The following CCDC88A variants were observed in gnomAD, a reference collection of about 807,000 sequenced individuals.
CCDC88A encodes the protein girdin.
CCDC88A carries 54 observed loss-of-function variants against 234.3 expected under a neutral mutation model. The ratio of observed to expected loss-of-function variants is 0.23; its 90% CI spans 0.19 to 0.29. CCDC88A has a LOEUF of 0.29. Among genes scored for constraint, CCDC88A ranks in the 10% least tolerant of loss-of-function variants. The pLI is 1.00. For synonymous variants in CCDC88A, 753 were observed against 737.8 expected, an observed-to-expected ratio of 1.02 and a Z score of -0.33; for missense variants, 1,832 against 2,123.4, an observed-to-expected ratio of 0.86 and a Z score of 2.70.
chr2:55,289,926 T>G lies in CCDC88A; in HGVS notation c.*1274A>C, dbSNP rs987132557. The G allele has an allele frequency of 1.3e-5, 2 of 152,526 alleles. No individual in the cohort carries two copies. The highest frequency in any genetic ancestry group is 2.4e-5 in the African/African-American group (1 of 41,436). 9.4% of individuals were successfully genotyped at this position (152,526 alleles called of 1,614,324 possible). A position where few individuals can be genotyped will look rare whatever the true frequency, so the allele number is the denominator to read the frequency against. ...TAATGAAAGCCTAAGAAGTACACTG[T>G]TAAAATTTTAAAAAGTCAGTATGTT... On this transcript the variant is annotated 3_prime_UTR_variant, in exon 33 of 33. Coordinates refer to ENST00000436346, the MANE Select transcript of CCDC88A (RefSeq NM_001365480.1).
intron 25 of CCDC88A, among the ~76,000 whole-genome samples, chr2:55,303,786 G>A (rs963414946): frequency 4.6e-5 from 7 of 152,096 alleles, no homozygotes; most frequent in Admixed American, 3.9e-4. Flanking sequence ...AAGTCGTAAA[G>A]GTAAACCTTT....
chr2:55,362,946 T>C (rs990135512), intron 6 of CCDC88A, among the ~76,000 whole-genome samples: 1 of 151,984 alleles, frequency 6.6e-6, no homozygotes, highest in African/African-American at 2.4e-5. Context: ...TTGAAAAGAA[T>C]GGAAAAGTTA....
At chr2:55,410,987 G>C (rs763177348) in intron 2 of CCDC88A, among the ~76,000 whole-genome samples, 1 of 151,940 alleles carries the variant, frequency 6.6e-6, no homozygotes, top group Admixed American at 6.6e-5. Flanking sequence ...TAATTTTCCA[G>C]TTTCAATAAC....
chr2:55,321,278 C>A (rs965723550), intron 18 of CCDC88A: 1 of 152,078 alleles, frequency 6.6e-6, no homozygotes, highest in Non-Finnish European at 1.5e-5. Context: ...ATGGGTGGGG[C>A]GCGGTGGCTC....
At chr2:55,402,585 G>A (rs555321265) in intron 2 of CCDC88A, among the ~76,000 whole-genome samples, 1 of 152,080 alleles carries the variant, frequency 6.6e-6, no homozygotes, top group African/African-American at 2.4e-5. Context: ...GGTCTATCTG[G>A]CACGTTCAAT....
intron 2 of CCDC88A, among the ~76,000 whole-genome samples, chr2:55,398,081 A>T (rs910760280): frequency 6.6e-6 from 1 of 152,236 alleles, no homozygotes; most frequent in African/African-American, 2.4e-5. Flanking sequence ...CTCACAATCA[A>T]AAGGGATCTT....
intron 2 of CCDC88A, among the ~76,000 whole-genome samples, chr2:55,397,529 GATAATCCAAATGCATAATTTGGATT>G (rs1677833144): frequency 6.9e-6 from 1 of 145,318 alleles, no homozygotes; most frequent in East Asian, 2.0e-4. Flanking sequence ...GCATAATTTG[GATAATCCAAATGCATAATTTGGATT>G]ATATTATACT....
chr2:55,367,745 C>T (rs1256222067), intron 5 of CCDC88A, among the ~76,000 whole-genome samples: 1 of 151,762 alleles, frequency 6.6e-6, no homozygotes, highest in East Asian at 1.9e-4. Context: ...GATAAGTAAA[C>T]AATAGATTGT....
At chr2:55,383,425 C>T (rs1018025913) in intron 3 of CCDC88A, among the ~76,000 whole-genome samples, 2 of 151,920 alleles carry the variant, frequency 1.3e-5, no homozygotes, top group African/African-American at 4.8e-5. Flanking sequence ...TTGAAACCAG[C>T]CTGGCCAACA....
chr2:55,388,958 T>G (rs1025931628), intron 2 of CCDC88A, 72 bp from the exon 3 acceptor site: 13 of 431,940 alleles, frequency 3.0e-5, no homozygotes, highest in African/African-American at 2.7e-4. Context: ...TTAAAATTAA[T>G]CATATAATAC....
intron 19 of CCDC88A, among the ~76,000 whole-genome samples, chr2:55,318,061 T>C (rs1407861416): frequency 6.6e-6 from 1 of 152,116 alleles, no homozygotes; most frequent in East Asian, 1.9e-4. Flanking sequence ...TGTGTATATA[T>C]AGACATATAT....
intron 3 of CCDC88A, among the ~76,000 whole-genome samples, chr2:55,384,058 G>C (rs531794292): frequency 3.7e-4 from 57 of 152,002 alleles, no homozygotes; most frequent in African/African-American, 1.4e-3. Flanking sequence ...AAAAAATATA[G>C]CATAGTGACA....
At chr2:55,360,204 T>C (rs991249876) in intron 7 of CCDC88A, among the ~76,000 whole-genome samples, 12 of 152,184 alleles carry the variant, frequency 7.9e-5, no homozygotes, top group African/African-American at 2.9e-4. Flanking sequence ...TTCTATAGCA[T>C]TAAGAATACG....
chr2:55,359,856 C>CAACAAAAACAAAAACAAA (rs60891079), intron 7 of CCDC88A, among the ~76,000 whole-genome samples: 71,228 of 151,074 alleles, frequency 0.47, 17,907 homozygotes, highest in East Asian at 0.85. Context: ...TCAATGCTAA[C>CAACAAAAACAAAAACAAA]AACAAAAACA....
chr2:55,374,899 C>A lies in CCDC88A; in HGVS notation c.274-16G>T, dbSNP rs770015031. On this transcript the variant is annotated splice_polypyrimidine_tract_variant and intron_variant, in intron 3 of 32. Coordinates refer to ENST00000436346, the MANE Select transcript of CCDC88A (RefSeq NM_001365480.1). Reference sequence around the variant, plus strand: ...GCAAAGTCTCCTGTAAAAAAATATCCAACACTTGTTATATGGGTAATGCTA... The same window carrying A: ...GCAAAGTCTCCTGTAAAAAAATATCAAACACTTGTTATATGGGTAATGCTA... 24 of 1,543,986 alleles carry A rather than the reference C, an allele frequency of 1.6e-5. No individual in the cohort carries two copies. Among genetic ancestry groups the A allele is most frequent in the Non-Finnish European group, 2.0e-5 (22 of 1,118,758 alleles).
intron 6 of CCDC88A, 84 bp from the exon 7 acceptor site, chr2:55,362,532 A>G: frequency 8.9e-7 from 1 of 1,119,390 alleles, no homozygotes; most frequent in Non-Finnish European, 1.3e-6. Context: ...TATTAGCCCA[A>G]GTATTATATA....
intron 2 of CCDC88A, 194 bp downstream of exon 2, chr2:55,418,622 A>C (rs1045542332): frequency 3.4e-6 from 2 of 579,826 alleles, no homozygotes; most frequent in Middle Eastern, 7.1e-4. Context: ...TCACAATTTT[A>C]ACAGGTAAAA....
In CCDC88A at chr2:55,309,383, C is replaced by T; in HGVS notation, c.4080-129G>A. The T allele has an allele frequency of 2.2e-6, 1 of 460,198 alleles. No individual in the cohort carries two copies. The highest frequency in any genetic ancestry group is 3.9e-6 in the Non-Finnish European group (1 of 258,078). 28.5% of individuals were successfully genotyped at this position (460,198 alleles called of 1,614,324 possible). ...AAAATACAGATACCATGGTTGGCAA[C>T]TAAGATTTCATCAGGTAGTTAACAA... On this transcript the variant is annotated intron_variant, in intron 23 of 32. Transcript: ENST00000436346. This position sits in a 1 kb window ranked among gnomAD's most constrained non-coding sequence, Gnocchi z 5.1.
chr2:55,322,813 GATGAATAATATGT>G (rs1295994923), intron 17 of CCDC88A, 121 bp from the exon 18 acceptor site: 3 of 478,228 alleles, frequency 6.3e-6, no homozygotes, highest in Non-Finnish European at 1.1e-5. Flanking sequence ...TTTTAAATGT[GATGAATAATATGT>G]ATGATTTATG....
Sources: allele counts gnomAD v4.1 joint callset (sites outside exome capture counted in the v4.1 genomes callset), GRCh38; gene constraint gnomAD v4.1.1; non-coding constraint Gnocchi (gnomAD v3.1); transcripts MANE v1.5; gene names NCBI Gene and HGNC (gene_info 2026-07-23, HGNC 2026-07-21).